Variants in IL6ST observed in about 807,000 individuals in gnomAD.
The protein encoded by IL6ST is interleukin 6 cytokine family signal transducer, also known as interleukin-6 receptor subunit beta.
IL6ST carries 24 observed loss-of-function variants against 91.3 expected under a neutral mutation model. That is an observed-to-expected ratio of 0.26 (90% CI 0.19 to 0.37). The LOEUF is 0.37. IL6ST is among the 10% of genes least tolerant of loss of function. The pLI is 1.00. For missense variants in IL6ST, 914 were observed against 1,078.5 expected (o/e 0.85, Z 2.14); for synonymous variants, 351 against 373.6 (o/e 0.94, Z 0.70).
intron 2 of IL6ST, among the ~76,000 whole-genome samples, chr5:55,981,419 C>T (rs1262934078): frequency 1.3e-5 from 2 of 152,048 alleles, no homozygotes; most frequent in Admixed American, 6.6e-5. Flanking sequence ...CCAAGGCAGG[C>T]GGATGACAAG....
chr5:55,952,993 G>A (rs753715301), intron 11 of IL6ST, among the ~76,000 whole-genome samples: 3 of 151,952 alleles, frequency 2.0e-5, no homozygotes, highest in African/African-American at 4.8e-5. Flanking sequence ...CCCAGGAGGC[G>A]GAGCTTGCAG....
chr5:55,964,433 ACTG>A (rs1175285583), intron 5 of IL6ST, 121 bp from the exon 6 acceptor site: 4 of 572,126 alleles, frequency 7.0e-6, no homozygotes, highest in East Asian at 6.6e-5. Context: ...TTGCAATATA[ACTG>A]CTGGTCACTA....
At chr5:55,964,063 T>TA (rs763271432) in intron 6 of IL6ST, 83 bp downstream of exon 6, 2 of 655,898 alleles carry the variant, frequency 3.0e-6, no homozygotes, top group South Asian at 4.9e-5. Flanking sequence ...ATTAAAATCT[T>TA]AAAAAATCTA....
In IL6ST at chr5:55,964,283, G is replaced by C. The variant is rs771494585; in HGVS notation, c.521C>G (p.Ala174Gly). 5 of 1,611,612 alleles carry C rather than the reference G, an allele frequency of 3.1e-6. No homozygotes were observed. The Admixed American group carries it at 8.4e-5, about 27-fold the overall frequency. The change falls in exon 6 of 17, where the codon GCA becomes GGA. Residue 174 changes from alanine (A) to glycine (G), a missense_variant. Physicochemically the swap from Ala to Gly is moderately conservative, Grantham distance 60. Transcript: ENST00000381298. ...GCATGAGGTGGGGGTGTCACGTTTT[G>C]CTTTGCAATCAGCAAACTTGTGTGT... Reference protein sequence around the residue: ...WATHKFADCKAKRDTPTSCTV... With the variant: ...WATHKFADCKGKRDTPTSCTV...
intron 10 of IL6ST, among the ~76,000 whole-genome samples, chr5:55,955,245 A>G: frequency 6.6e-6 from 1 of 152,148 alleles, no homozygotes; most frequent in Non-Finnish European, 1.5e-5. Flanking sequence ...ATCACTTGAC[A>G]TCAGGAGTTC....
intron 3 of IL6ST, among the ~76,000 whole-genome samples, chr5:55,975,889 A>T (rs1237379442): frequency 1.3e-5 from 2 of 150,060 alleles, no homozygotes; most frequent in African/African-American, 4.9e-5. Context: ...ATTTTCTCCT[A>T]TTCATTTACT....
At chr5:55,958,955 T>C (rs928607073) in intron 8 of IL6ST, among the ~76,000 whole-genome samples, 5 of 151,874 alleles carry the variant, frequency 3.3e-5, no homozygotes, top group Non-Finnish European at 5.9e-5. Flanking sequence ...AAAAGGCTGC[T>C]GGTACAGAAG....
chr5:55,991,830 G>C (rs113196545), intron 1 of IL6ST, among the ~76,000 whole-genome samples: 2 of 151,758 alleles, frequency 1.3e-5, no homozygotes, highest in Non-Finnish European at 2.9e-5. Context: ...GCAATTGCAA[G>C]CAATCTGGCT....
At chr5:55,947,740 TG>T (rs1751364223) in intron 14 of IL6ST, 151 bp from the exon 15 acceptor site, 2 of 576,636 alleles carry the variant, frequency 3.5e-6, no homozygotes, top group Admixed American at 3.3e-5. Flanking sequence ...TCTTCAGACT[TG>T]ATGATTTTTA....
chr5:55,967,665 C>T (rs959127287), intron 5 of IL6ST, among the ~76,000 whole-genome samples: 8 of 151,876 alleles, frequency 5.3e-5, no homozygotes, highest in Non-Finnish European at 1.0e-4. Context: ...AAATATGATG[C>T]CCGCGATTCT....
rs1754525126 is a variant in IL6ST, at chr5:55,994,426, A to T, written c.-104+358T>A. On this transcript the variant is annotated intron_variant, in intron 1 of 16. Coordinates refer to ENST00000381298, the MANE Select transcript of IL6ST (RefSeq NM_002184.4). ...CGAGAATGAAGACAAGTGCGGAGCG[A>T]ATAGAATTTCAGGGGAGATGAAAAG... Among the ~76,000 whole-genome samples the T allele has an allele frequency of 2.0e-5, 3 of 152,184 alleles. No individual in the cohort carries two copies. The South Asian group carries it at 6.2e-4, about 31-fold the overall frequency.
At position 55,939,133 on chromosome 5, in the gene IL6ST, G is replaced by T. The variant is rs1473535470; in HGVS notation, c.*1949C>A. ...TTTGAGAAAATGGAAAATGTAATAG[G>T]TATAAATTTCCTGACACATACAGCA... is the stretch of plus-strand genomic sequence containing the variant. On this transcript the variant is annotated 3_prime_UTR_variant, in exon 17 of 17. Coordinates refer to ENST00000381298, the MANE Select transcript of IL6ST (RefSeq NM_002184.4). 1 of 209,058 alleles carries T rather than the reference G, an allele frequency of 4.8e-6. No individual in the cohort carries two copies. Among genetic ancestry groups the T allele is most frequent in the Non-Finnish European group, 9.7e-6 (1 of 102,742 alleles). 13.0% of individuals were successfully genotyped at this position (209,058 alleles called of 1,614,324 possible).
chr5:55,965,357 G>A (rs750071282), intron 5 of IL6ST, among the ~76,000 whole-genome samples: 2 of 152,122 alleles, frequency 1.3e-5, no homozygotes, highest in South Asian at 2.1e-4. Context: ...AGATGTAGAC[G>A]TCAGGTAAAT....
intron 1 of IL6ST, among the ~76,000 whole-genome samples, chr5:55,992,401 T>TA (rs1754385531): frequency 6.6e-6 from 1 of 152,186 alleles, no homozygotes; most frequent in South Asian, 2.1e-4. Flanking sequence ...GTATGACCTT[T>TA]AGATCTACCA....
At chr5:55,972,889 C>T (rs1270397143) in intron 3 of IL6ST, among the ~76,000 whole-genome samples, 1 of 151,750 alleles carries the variant, frequency 6.6e-6, no homozygotes. Flanking sequence ...CCTGTAATTC[C>T]AGCTACTCAG....
chr5:55,983,577 G>T (rs950232122), intron 1 of IL6ST, among the ~76,000 whole-genome samples: 1 of 152,044 alleles, frequency 6.6e-6, no homozygotes, highest in Non-Finnish European at 1.5e-5. Context: ...ACTTAGGCAA[G>T]GAGTTGAATC....
rs1750750526 is a variant in IL6ST at position 55,939,540 on chromosome 5, T to C, written c.*1542A>G. On this transcript the variant is annotated 3_prime_UTR_variant, in exon 17 of 17. Coordinates refer to ENST00000381298, the MANE Select transcript of IL6ST (RefSeq NM_002184.4). ...TAGCTTTCTATTCTCCAATAACCTC[T>C]AGAAACTATTCTAAGCATGCCTGGT... 1 of 205,496 alleles carries C rather than the reference T, an allele frequency of 4.9e-6. No homozygotes were observed. Among genetic ancestry groups the C allele is most frequent in the African/African-American group, 2.3e-5 (1 of 43,824 alleles). The allele number at this position is 205,496 out of a possible 1,614,324, so 12.7% of individuals were successfully genotyped here.
At chr5:55,977,876 C>T (rs1753407620) in intron 2 of IL6ST, among the ~76,000 whole-genome samples, 2 of 151,680 alleles carry the variant, frequency 1.3e-5, no homozygotes, top group Non-Finnish European at 2.9e-5. Context: ...TGTATGCCTG[C>T]AGTCCCAGCT....
Position 55,963,525 on chromosome 5 carries a change from C to CCTAA in IL6ST, c.659-23_659-20dup. The CCTAA allele has an allele frequency of 6.3e-7, 1 of 1,584,094 alleles. No homozygotes were observed. Reference sequence around the variant, plus strand: ...GGCTTCACTGAAAAATAAAATAAATCCTAAGGTTTATTATGTTTTCCAATT... The same window carrying CCTAA: ...GGCTTCACTGAAAAATAAAATAAATCCTAACTAAGGTTTATTATGTTTTCCAATT... On this transcript the variant is annotated intron_variant, in intron 6 of 16. Transcript: ENST00000381298.
Sources: allele counts gnomAD v4.1 joint callset (sites outside exome capture counted in the v4.1 genomes callset), GRCh38; gene constraint gnomAD v4.1.1; transcripts MANE v1.5; gene names NCBI Gene and HGNC (gene_info 2026-07-23, HGNC 2026-07-21).